TUBGCP5: variants seen among roughly 807,000 people sequenced by gnomAD.
TUBGCP5 encodes tubulin gamma complex component 5, also known as gamma-tubulin complex component 5.
In TUBGCP5, 98 loss-of-function variants were observed where a neutral mutation model predicts 134.7. The observed-to-expected ratio is 0.73, with a 90% confidence interval of 0.62 to 0.86. The LOEUF (loss-of-function observed/expected upper bound fraction) is 0.86, where lower values mean the gene tolerates loss of function less well. TUBGCP5 is among the 40% of genes least tolerant of loss of function. The probability of loss-of-function intolerance (pLI) is 0.00; values close to 1 mark genes in which losing one functional copy is unlikely to be tolerated. For synonymous variants in TUBGCP5, 456 were observed against 431.4 expected, an observed-to-expected ratio of 1.06 and a Z score of -0.71; for missense variants, 1,150 against 1,244.8, an observed-to-expected ratio of 0.92 and a Z score of 1.15.
Position 23,006,264 on chromosome 15 carries a change from A to G in TUBGCP5, c.2412+4T>C. ...CGGTTCATACAAGGAATATCAGCAT[A>G]TACCTTGTAGCTGAGGGTCAGACCA... On this transcript the variant is annotated splice_donor_region_variant and intron_variant, in intron 17 of 22. Transcript: ENST00000615383. 1 of 1,609,618 alleles carries G rather than the reference A, an allele frequency of 6.2e-7. No homozygotes were observed.
chr15:23,019,766 C>T (rs1260728603), intron 11 of TUBGCP5, among the ~76,000 whole-genome samples: 1 of 151,520 alleles, frequency 6.6e-6, no homozygotes, highest in Non-Finnish European at 1.5e-5. Flanking sequence ...CACTACACTC[C>T]AGCCTGGCAA....
rs2063932615 is a variant in TUBGCP5, at chr15:22,993,557, T to TTTTTTTA, written c.*61+3287_*61+3288insTAAAAAA. Among the ~76,000 whole-genome samples the TTTTTTTA allele has an allele frequency of 3.1e-3, 388 of 123,310 alleles. 11 individuals carry two copies. Among genetic ancestry groups the TTTTTTTA allele is most frequent in the African/African-American group, 0.013 (366 of 27,786 alleles). 80.9% of individuals were successfully genotyped at this position (123,310 alleles called of 152,430 possible). A position where few individuals can be genotyped will look rare whatever the true frequency, so the allele number is the denominator to read the frequency against. ...TTTTTTTTTTTTTTTTTTTTTTTTTTAATATGAGACGGAGTCTCGCTCTGT... is the reference window on the plus strand; with the variant it reads ...TTTTTTTTTTTTTTTTTTTTTTTTTTTTTTTTAAATATGAGACGGAGTCTCGCTCTGT... On this transcript the variant is annotated intron_variant and NMD_transcript_variant, in intron 23 of 23. Coordinates refer to the TUBGCP5 transcript ENST00000614508.
At chr15:23,003,632 G>GTTTTTTT in intron 20 of TUBGCP5, among the ~76,000 whole-genome samples, 1 of 88,670 alleles carries the variant, frequency 1.1e-5, no homozygotes, top group East Asian at 2.6e-4. Flanking sequence ...TCCTCCTTCT[G>GTTTTTTT]TTTTTTTTTT....
chr15:23,003,000 T>TA (rs1019884023), intron 21 of TUBGCP5, 65 bp downstream of exon 21: 325 of 1,525,368 alleles, frequency 2.1e-4, no homozygotes, highest in Middle Eastern at 3.4e-4. Context: ...ACCCTGTCTC[T>TA]AAAAAAAAGG....
intron 17 of TUBGCP5, 41 bp from the exon 18 acceptor site, chr15:23,006,213 G>T (rs757786536): frequency 2.5e-6 from 4 of 1,610,442 alleles, no homozygotes; most frequent in Non-Finnish European, 3.4e-6. Flanking sequence ...CCAATTACTT[G>T]CATGTTTTAA....
intron 23 of TUBGCP5, among the ~76,000 whole-genome samples, chr15:22,991,684 TAG>T (rs1185891635): frequency 6.6e-6 from 1 of 152,156 alleles, no homozygotes; most frequent in African/African-American, 2.4e-5. Flanking sequence ...GAATCTAGTT[TAG>T]AGAGTTTATT....
In TUBGCP5 at chr15:23,013,873, C is replaced by T. The variant is rs1436294045; in HGVS notation, c.1757-2542G>A. Among the ~76,000 whole-genome samples the T allele has an allele frequency of 6.6e-6, 1 of 152,164 alleles. No individual in the cohort carries two copies. Among genetic ancestry groups the T allele is most frequent in the Admixed American group, 6.5e-5 (1 of 15,282 alleles). Reference sequence around the variant, plus strand: ...CTCCTCTGGGCCAGTAGCTGCTGCACCTCTCCTGCACCCCAGCCACTGGGG... The same window carrying T: ...CTCCTCTGGGCCAGTAGCTGCTGCATCTCTCCTGCACCCCAGCCACTGGGG... On this transcript the variant is annotated intron_variant, in intron 13 of 22. Coordinates refer to ENST00000615383, the MANE Select transcript of TUBGCP5 (RefSeq NM_052903.6). The surrounding 1 kb of genome is among the most constrained non-coding windows in gnomAD (Gnocchi z 4.5).
In TUBGCP5 at chr15:23,021,296, TATAAAATATATAAC is replaced by T. The variant is rs1298766823; in HGVS notation, c.1371+649_1371+662del. ...TAGATTTGTATTTTTTAAAATACAA[TATAAAATATATAAC>T]ATAAAATTTATCTTAACTGTATATT... On this transcript the variant is annotated intron_variant, in intron 11 of 22. Coordinates refer to ENST00000615383, the MANE Select transcript of TUBGCP5 (RefSeq NM_052903.6). Among the ~76,000 whole-genome samples, 3 of 152,070 alleles carry T rather than the reference TATAAAATATATAAC, an allele frequency of 2.0e-5. No individual in the cohort carries two copies. The East Asian group carries it at 5.8e-4, about 29-fold the overall frequency.
intron 11 of TUBGCP5, 158 bp from the exon 12 acceptor site, chr15:23,019,492 A>C: frequency 1.7e-6 from 1 of 604,676 alleles, no homozygotes; most frequent in Non-Finnish European, 2.9e-6. Context: ...ACACTATAAA[A>C]TCCTTATGAA....
chr15:23,028,838 G>C (rs2066131248), intron 6 of TUBGCP5, among the ~76,000 whole-genome samples: 1 of 152,028 alleles, frequency 6.6e-6, no homozygotes, highest in African/African-American at 2.4e-5. Context: ...AGAAGATACA[G>C]GCATAAGAAC....
At chr15:23,038,259 T>C (rs1347453923) in intron 1 of TUBGCP5, among the ~76,000 whole-genome samples, 1 of 151,964 alleles carries the variant, frequency 6.6e-6, no homozygotes, top group Non-Finnish European at 1.5e-5. Flanking sequence ...CACATGATTC[T>C]AGGCCAGTAA....
intron 6 of TUBGCP5, among the ~76,000 whole-genome samples, 181 bp from the exon 7 acceptor site, chr15:23,027,487 C>T (rs939194447): frequency 5.3e-5 from 8 of 152,058 alleles, no homozygotes; most frequent in Non-Finnish European, 4.4e-5. Flanking sequence ...TTCTATGGCT[C>T]ACACATATAA....
At chr15:22,989,682 G>A (rs569256568) in intron 23 of TUBGCP5, among the ~76,000 whole-genome samples, 1 of 152,260 alleles carries the variant, frequency 6.6e-6, no homozygotes, top group South Asian at 2.1e-4. Flanking sequence ...GGCCAACCAG[G>A]AGGAACTTTA....
intron 5 of TUBGCP5, 86 bp downstream of exon 5, chr15:23,031,864 T>G: frequency 1.0e-6 from 1 of 973,364 alleles, no homozygotes; most frequent in Non-Finnish European, 1.5e-6. Context: ...TTAGCTAAGT[T>G]GACCTAGGGT....
chr15:23,019,166 G>T, intron 12 of TUBGCP5, 53 bp downstream of exon 12: 1 of 1,272,520 alleles, frequency 7.9e-7, no homozygotes. Flanking sequence ...TTTTCATGGG[G>T]AGGAAACTGG....
chr15:22,993,872 G>A (rs1306503199), intron 23 of TUBGCP5, among the ~76,000 whole-genome samples: 3 of 151,524 alleles, frequency 2.0e-5, no homozygotes, highest in South Asian at 2.1e-4. Flanking sequence ...GTAGAGATGC[G>A]GTTTCACCAC....
At chr15:22,989,369 A>G (rs531568655) in intron 23 of TUBGCP5, among the ~76,000 whole-genome samples, 1 of 152,268 alleles carries the variant, frequency 6.6e-6, no homozygotes, top group Admixed American at 6.5e-5. Flanking sequence ...ATGAAATTTA[A>G]TCACATCCAG....
intron 21 of TUBGCP5, among the ~76,000 whole-genome samples, chr15:23,002,128 C>A (rs1158513004): frequency 2.0e-5 from 3 of 151,096 alleles, no homozygotes; most frequent in African/African-American, 7.3e-5. Flanking sequence ...CTCCTCCACC[C>A]CAAAGTGAGA....
Position 23,024,757 on chromosome 15 carries a change from T to A in TUBGCP5, c.901A>T (p.Ile301Leu), listed in dbSNP as rs1221181783. 1.3e-6 allele frequency: 2 copies of A among 1,571,998 alleles called. No individual in the cohort carries two copies. Among genetic ancestry groups the A allele is most frequent in the South Asian group, 2.3e-5 (2 of 87,592 alleles). Reference sequence around the variant, plus strand: ...CTTACATGTGTTAAATGAGTTACTATAATATTGTTTCTCACAGTTACCTTC... The same window carrying A: ...CTTACATGTGTTAAATGAGTTACTAAAATATTGTTTCTCACAGTTACCTTC... Reference protein sequence around the residue: ...DGKVTVRNNIIVTHLTHSCLR... With the variant: ...DGKVTVRNNILVTHLTHSCLR... The change falls in exon 9 of 23, where the codon ATA becomes TTA. Residue 301 changes from isoleucine to leucine, a missense_variant. By Grantham distance (5) the Ile-to-Leu change is conservative (BLOSUM62 2). Transcript: ENST00000615383.
Sources: allele counts gnomAD v4.1 joint callset (sites outside exome capture counted in the v4.1 genomes callset), GRCh38; gene constraint gnomAD v4.1.1; non-coding constraint Gnocchi (gnomAD v3.1); transcripts MANE v1.5; gene names NCBI Gene and HGNC (gene_info 2026-07-23, HGNC 2026-07-21).